NEDD4L: variants seen among roughly 807,000 people sequenced by gnomAD.
NEDD4L encodes E3 ubiquitin-protein ligase NEDD4-like.
Under a neutral mutation model 148.9 loss-of-function variants are expected in NEDD4L, and 54 were observed. The ratio of observed to expected loss-of-function variants is 0.36; its 90% CI spans 0.29 to 0.45. The LOEUF (loss-of-function observed/expected upper bound fraction) is 0.45. NEDD4L is among the 20% of genes least tolerant of loss of function. The probability of loss-of-function intolerance (pLI) is 1.00; values close to 1 mark genes in which losing one functional copy is unlikely to be tolerated. For missense variants in NEDD4L, 856 were observed against 1,233.8 expected (o/e 0.69, Z 4.59); for synonymous variants, 433 against 440.7 (o/e 0.98, Z 0.22).
At chr18:58,314,703 A>T (rs2149397516) in intron 5 of NEDD4L, 1 of 152,362 alleles carries the variant, frequency 6.6e-6, no homozygotes, top group African/African-American at 2.4e-5. Context: ...TGAAAATCTC[A>T]TCAAAAGGAT....
chr18:58,202,680 G>T (rs1274421318), intron 2 of NEDD4L, among the ~76,000 whole-genome samples: 1 of 152,222 alleles, frequency 6.6e-6, no homozygotes, highest in South Asian at 2.1e-4. Context: ...GATCCTTTGG[G>T]TGGTAGGGTC....
At position 58,248,875 on chromosome 18, in the gene NEDD4L, A is replaced by G. The variant is rs764333446; in HGVS notation, c.205-24A>G. 6.0e-6 allele frequency: 8 copies of G among 1,326,016 alleles called. No homozygotes were observed. In the South Asian group the frequency reaches 1.0e-4, roughly 17 times the overall value. 82.1% of individuals were successfully genotyped at this position (1,326,016 alleles called of 1,614,324 possible). A position where few individuals can be genotyped will look rare whatever the true frequency, so the allele number is the denominator to read the frequency against. ...GCTAATGTTTGAAAGACTAAAAGATACTACAAGATAATTTCTCTTCCAGAC... is the reference window on the plus strand; with the variant it reads ...GCTAATGTTTGAAAGACTAAAAGATGCTACAAGATAATTTCTCTTCCAGAC... On this transcript the variant is annotated intron_variant, in intron 3 of 30. Coordinates refer to ENST00000400345, the MANE Select transcript of NEDD4L (RefSeq NM_001144967.3).
intron 2 of NEDD4L, among the ~76,000 whole-genome samples, chr18:58,167,522 C>T (rs987853386): frequency 2.0e-5 from 3 of 152,142 alleles, no homozygotes; most frequent in Non-Finnish European, 2.9e-5. Context: ...TATATCAAAG[C>T]GTGTGTCTTT....
In NEDD4L at chr18:58,044,477, C is replaced by A. The variant is rs1205453640; in HGVS notation, c.-184C>A. Reference sequence around the variant, plus strand: ...GCAGCCTTCCGGGAGGAAGCGGTGCCGGCAGCGTCCAGGGCGCGCTCTCGG... The same window carrying A: ...GCAGCCTTCCGGGAGGAAGCGGTGCAGGCAGCGTCCAGGGCGCGCTCTCGG... On this transcript the variant is annotated 5_prime_UTR_variant, in exon 1 of 31. Coordinates refer to ENST00000400345, the MANE Select transcript of NEDD4L (RefSeq NM_001144967.3). 1 of 700,744 alleles carries A rather than the reference C, an allele frequency of 1.4e-6. No homozygotes were observed. The highest frequency in any genetic ancestry group is 2.0e-6 in the Non-Finnish European group (1 of 505,794). The allele number at this position is 700,744 out of a possible 1,614,324, so 43.4% of individuals were successfully genotyped here. A position where few individuals can be genotyped will look rare whatever the true frequency, so the allele number is the denominator to read the frequency against.
At chr18:58,315,860 G>A (rs558282895) in intron 5 of NEDD4L, 122 bp from the exon 6 acceptor site, 19 of 885,300 alleles carry the variant, frequency 2.1e-5, no homozygotes, top group South Asian at 1.9e-4. Context: ...GGGGCCTTCC[G>A]CCCTCCACAT....
intron 5 of NEDD4L, among the ~76,000 whole-genome samples, chr18:58,276,925 G>T (rs2052160488): frequency 1.4e-5 from 2 of 145,760 alleles, no homozygotes; most frequent in Admixed American, 1.4e-4. Flanking sequence ...CATTTTGGTG[G>T]AGTGGACCGT....
Position 58,095,614 on chromosome 18 carries a change from T to C in NEDD4L, c.48+50906T>C, listed in dbSNP as rs72942942. On this transcript the variant is annotated intron_variant, in intron 1 of 30. Coordinates refer to ENST00000400345, the MANE Select transcript of NEDD4L (RefSeq NM_001144967.3). ...GTTGGTCCCATGGAATCCTCGCCCA[T>C]TGGGGCCATGGGCATTGATCGACAC... Among the ~76,000 whole-genome samples the C allele has an allele frequency of 4.1e-4, 62 of 152,320 alleles. 1 individual carries two copies. In the Middle Eastern group the frequency reaches 0.017, roughly 42 times the overall value.
chr18:58,279,175 C>A (rs557581037), intron 5 of NEDD4L, among the ~76,000 whole-genome samples: 1 of 152,218 alleles, frequency 6.6e-6, no homozygotes, highest in Non-Finnish European at 1.5e-5. Context: ...CCATGCCTGG[C>A]CGATTATACT....
At chr18:58,203,429 C>G (rs1472263847) in intron 2 of NEDD4L, among the ~76,000 whole-genome samples, 1 of 152,092 alleles carries the variant, frequency 6.6e-6, no homozygotes, top group East Asian at 1.9e-4. Flanking sequence ...TATTTCTAAT[C>G]TCTTACATTT....
At chr18:58,309,616 C>G (rs986940661) in intron 5 of NEDD4L, among the ~76,000 whole-genome samples, 2 of 151,716 alleles carry the variant, frequency 1.3e-5, no homozygotes, top group Non-Finnish European at 1.5e-5. Flanking sequence ...ACCTGGGCAT[C>G]TAGTTGGCAG....
At chr18:58,347,199 G>T (rs1217383519) in intron 16 of NEDD4L, among the ~76,000 whole-genome samples, 4 of 93,980 alleles carry the variant, frequency 4.3e-5, no homozygotes, top group Non-Finnish European at 8.3e-5. Context: ...TTCTTTTCAC[G>T]CTACGGCCCC....
intron 1 of NEDD4L, among the ~76,000 whole-genome samples, chr18:58,099,791 G>A (rs1442279058): frequency 3.3e-5 from 5 of 152,174 alleles, no homozygotes; most frequent in Non-Finnish European, 7.3e-5. Context: ...ATTGGTGTGA[G>A]TGACTGGCAG....
chr18:58,047,354 A>G, intron 1 of NEDD4L: 1 of 985,018 alleles, frequency 1.0e-6, no homozygotes, highest in Non-Finnish European at 1.2e-6. Context: ...GTATGTTTGG[A>G]GTGCACTTAG....
At chr18:58,184,724 C>G (rs552074414) in intron 2 of NEDD4L, among the ~76,000 whole-genome samples, 41 of 152,050 alleles carry the variant, frequency 2.7e-4, no homozygotes, top group African/African-American at 9.2e-4. Flanking sequence ...GTCAGGAGAT[C>G]GAGACCATCC....
chr18:58,391,206 C>T (rs1010693163), intron 29 of NEDD4L, among the ~76,000 whole-genome samples: 1 of 152,230 alleles, frequency 6.6e-6, no homozygotes, highest in Admixed American at 6.5e-5. Flanking sequence ...TTTCCAGGGC[C>T]CAGCTGAGAG....
chr18:58,213,490 C>T (rs75599896), intron 2 of NEDD4L, among the ~76,000 whole-genome samples: 9,036 of 152,224 alleles, frequency 0.059, 867 homozygotes, highest in African/African-American at 0.21. Flanking sequence ...TTCTAAAAGA[C>T]GCATTCCTCC....
chr18:58,344,916 A>G (rs897315921), intron 16 of NEDD4L, among the ~76,000 whole-genome samples: 1 of 152,188 alleles, frequency 6.6e-6, no homozygotes, highest in African/African-American at 2.4e-5. Context: ...TGATTTTAGT[A>G]ATTTTAACTA....
intron 19 of NEDD4L, among the ~76,000 whole-genome samples, chr18:58,361,901 G>A (rs919457011): frequency 6.6e-6 from 1 of 150,684 alleles, no homozygotes; most frequent in Non-Finnish European, 1.5e-5. Context: ...AAAAAAAAAT[G>A]TACGTGTAAT....
At chr18:58,063,036 G>A (rs1430814847) in intron 1 of NEDD4L, among the ~76,000 whole-genome samples, 1 of 67,246 alleles carries the variant, frequency 1.5e-5, no homozygotes, top group Non-Finnish European at 3.0e-5. Context: ...TCATTTATTT[G>A]TTCTTTTTTT....
Sources: gnomAD v4.1 joint callset for allele counts (sites outside exome capture counted in the v4.1 genomes callset) on GRCh38, gnomAD v4.1.1 for gene constraint, MANE v1.5 for transcripts, NCBI Gene and HGNC (gene_info 2026-07-23, HGNC 2026-07-21) for gene names.